Variants in OR2T8 observed in about 807,000 individuals in gnomAD.
OR2T8 encodes olfactory receptor family 2 subfamily T member 8.
For missense variants in OR2T8, 161 were observed against 389.4 expected (o/e 0.41, Z 4.94); for synonymous variants, 56 against 154.3 (o/e 0.36, Z 4.72).
chr1:247,922,130 A>C lies in OR2T8; in HGVS notation c.*174A>C, dbSNP rs567632572. On this transcript the variant is annotated 3_prime_UTR_variant, in exon 2 of 2. Coordinates refer to ENST00000641945, the MANE Select transcript of OR2T8 (RefSeq NM_001005522.2). Reference sequence around the variant, plus strand: ...ATTCCTCGGGTTCATTTACTCAGCTATCATTACCCAATCAAATCATGGATT... The same window carrying C: ...ATTCCTCGGGTTCATTTACTCAGCTCTCATTACCCAATCAAATCATGGATT... Among the ~76,000 whole-genome samples the C allele has an allele frequency of 6.6e-6, 1 of 152,174 alleles. No individual in the cohort carries two copies. The highest frequency in any genetic ancestry group is 6.5e-5 in the Admixed American group (1 of 15,286).
rs373532215 is a variant in OR2T8 at position 247,921,712 on chromosome 1, G to T, written c.695G>T (p.Arg232Leu). 5.1e-6 allele frequency: 8 copies of T among 1,573,266 alleles called. No homozygotes were observed. In the African/African-American group the frequency reaches 5.5e-5, roughly 11 times the overall value. ...AVLHMRSTEA[R>L]KKAFATCSSH... ...CTGCACATGCGCTCTACAGAAGCCC[G>T]CAAGAAGGCCTTTGCCACCTGCTCT... The change falls in exon 2 of 2, where the codon CGC becomes CTC. Residue 232 changes from arginine (R) to leucine (L), a missense_variant. Arg to Leu is a moderately radical substitution (Grantham distance 102). Coordinates refer to ENST00000641945, the MANE Select transcript of OR2T8 (RefSeq NM_001005522.2).
At chr1:247,920,934 C>T (rs904540770) in intron 1 of OR2T8, 64 bp from the exon 2 acceptor site, 48 of 1,194,590 alleles carry the variant, frequency 4.0e-5, no homozygotes, top group Non-Finnish European at 5.3e-5. Context: ...TATTTTTTTA[C>T]TACGTAACTC....
Position 247,920,996 on chromosome 1 carries a change from A to G in OR2T8, c.-20-2A>G, listed in dbSNP as rs1660000150. ...CTCTGTCTTCTTTTTCTCCATTTGC[A>G]GTGTCACTCTTATTTGAAATCATGG... On this transcript the variant is annotated splice_acceptor_variant, in intron 1 of 1. Transcript: ENST00000641945. LOFTEE classifies it low-confidence loss of function (5UTR_SPLICE). 7 of 1,557,312 alleles carry G rather than the reference A, an allele frequency of 4.5e-6. No individual in the cohort carries two copies. Among genetic ancestry groups the G allele is most frequent in the Admixed American group, 3.6e-5 (2 of 55,692 alleles).
chr1:247,920,915 G>A, intron 1 of OR2T8, 83 bp from the exon 2 acceptor site: 1 of 1,005,554 alleles, frequency 9.9e-7, no homozygotes, highest in Non-Finnish European at 1.5e-6. Flanking sequence ...TTTCACACAA[G>A]TACTTTTCTA....
At position 247,922,629 on chromosome 1, in the gene OR2T8, G is replaced by A. The variant is rs956955770; in HGVS notation, c.*673G>A. 6.6e-5 allele frequency among the ~76,000 whole-genome samples: 10 copies of A among 152,096 alleles called. No individual in the cohort carries two copies. The highest frequency in any genetic ancestry group is 3.3e-4 in the Admixed American group (5 of 15,268). On this transcript the variant is annotated 3_prime_UTR_variant, in exon 2 of 2. Coordinates refer to ENST00000641945, the MANE Select transcript of OR2T8 (RefSeq NM_001005522.2). ...CATTGCTTTTTTTTACTGCTAAGTA[G>A]TATTTTGTTTTCTGAAAATTTCATC... is the stretch of plus-strand genomic sequence containing the variant.
rs762729503 is a variant in OR2T8 at position 247,921,963 on chromosome 1, A to G, written c.*7A>G. On this transcript the variant is annotated 3_prime_UTR_variant, in exon 2 of 2. Coordinates refer to ENST00000641945, the MANE Select transcript of OR2T8 (RefSeq NM_001005522.2). ...GGCCTTAAGTCGTGAATAAGACTAT[A>G]TATTTGCCCCAACATTCAAAACTGT... 1.2e-6 allele frequency: 2 copies of G among 1,611,416 alleles called. No homozygotes were observed. The highest frequency in any genetic ancestry group is 2.2e-5 in the East Asian group (1 of 44,832).
chr1:247,921,677 C>T lies in OR2T8; in HGVS notation c.660C>T (p.Leu220=). 6.8e-7 allele frequency: 1 copy of T among 1,465,180 alleles called. No individual in the cohort carries two copies. Among genetic ancestry groups the T allele is most frequent in the Non-Finnish European group, 9.4e-7 (1 of 1,059,136 alleles). 90.8% of individuals were successfully genotyped at this position (1,465,180 alleles called of 1,614,324 possible). A position where few individuals can be genotyped will look rare whatever the true frequency, so the allele number is the denominator to read the frequency against. Residue 220 remains leucine, a synonymous_variant, in exon 2 of 2, where the codon CTC becomes CTT. Transcript: ENST00000641945. Reference sequence around the variant, plus strand: ...TCCTGTCCTCCTATGGTCTCATCCTCGCTGCTGTTCTGCACATGCGCTCTA... The same window carrying T: ...TCCTGTCCTCCTATGGTCTCATCCTTGCTGCTGTTCTGCACATGCGCTCTA... ...SLILSSYGLI[L]AAVLHMRSTE...
chr1:247,920,861 AT>A, intron 1 of OR2T8, 136 bp from the exon 2 acceptor site: 1 of 634,460 alleles, frequency 1.6e-6, no homozygotes, highest in Non-Finnish European at 2.7e-6. Flanking sequence ...AAATTAGAAC[AT>A]TTTGCAAGTG....
At position 247,921,895 on chromosome 1, in the gene OR2T8, G is replaced by A. The variant is rs761167904; in HGVS notation, c.878G>A (p.Ser293Asn). The change falls in exon 2 of 2, where the codon AGT becomes AAT. Residue 293 changes from serine (S) to asparagine (N), a missense_variant. Transcript: ENST00000641945. ...CCCCTCATCTACAGTGTGAAGAACA[G>A]TGAGGTGAAGGGAGCCCTGACAAGG... ...LNPLIYSVKN[S>N]EVKGALTRCM... 8.7e-6 allele frequency: 14 copies of A among 1,614,136 alleles called. No homozygotes were observed. In the South Asian group the frequency reaches 1.5e-4, roughly 18 times the overall value.
chr1:247,920,896 T>A, intron 1 of OR2T8, 102 bp from the exon 2 acceptor site: 1 of 813,266 alleles, frequency 1.2e-6, no homozygotes, highest in Non-Finnish European at 1.9e-6. Context: ...TTGACATAGG[T>A]TTCATCGCTT....
Position 247,922,375 on chromosome 1 carries a change from T to C in OR2T8, c.*419T>C, listed in dbSNP as rs1660035549. 1.3e-5 allele frequency among the ~76,000 whole-genome samples: 2 copies of C among 152,200 alleles called. No homozygotes were observed. Among genetic ancestry groups the C allele is most frequent in the Admixed American group, 1.3e-4 (2 of 15,282 alleles). On this transcript the variant is annotated 3_prime_UTR_variant, in exon 2 of 2. Transcript: ENST00000641945. ...AATATCTACCCTGGTAATTCACCCA[T>C]TAGGAAGAGACACCATTTTCACCAC...
rs759753195 is a variant in OR2T8 at position 247,921,974 on chromosome 1, A to C, written c.*18A>C. ...GTGAATAAGACTATATATTTGCCCC[A>C]ACATTCAAAACTGTGCAAAGTGTTT... On this transcript the variant is annotated 3_prime_UTR_variant, in exon 2 of 2. Transcript: ENST00000641945. 8.1e-6 allele frequency: 13 copies of C among 1,607,182 alleles called. 1 individual carries two copies. Among genetic ancestry groups the C allele is most frequent in the South Asian group, 6.6e-5 (6 of 90,412 alleles).
chr1:247,921,957 G>T lies in OR2T8; in HGVS notation c.*1G>T. On this transcript the variant is annotated 3_prime_UTR_variant, in exon 2 of 2. Transcript: ENST00000641945. The stretch of plus-strand genomic sequence containing the variant: ...GTGTGTGGCCTTAAGTCGTGAATAA[G>T]ACTATATATTTGCCCCAACATTCAA... The T allele has an allele frequency of 6.2e-7, 1 of 1,612,638 alleles. No homozygotes were observed. Among genetic ancestry groups the T allele is most frequent in the Non-Finnish European group, 8.5e-7 (1 of 1,179,138 alleles).
At chr1:247,920,947 A>G (rs999034822) in intron 1 of OR2T8, 51 bp from the exon 2 acceptor site, 165 of 1,314,746 alleles carry the variant, frequency 1.3e-4, no homozygotes, top group Non-Finnish European at 1.7e-4. Context: ...CGTAACTCAA[A>G]TGGAGTACCA....
rs1572607034 is a variant in OR2T8 at position 247,921,823 on chromosome 1, A to G, written c.806A>G (p.Asp269Gly). ...RPKSHRSTNH[D>G]KVVSAFYTMF... Reference sequence around the variant, plus strand: ...AAATCCCACAGGTCCACTAACCACGACAAGGTTGTGTCAGCCTTCTATACT... The same window carrying G: ...AAATCCCACAGGTCCACTAACCACGGCAAGGTTGTGTCAGCCTTCTATACT... Residue 269 changes from aspartate (D) to glycine (G), a missense_variant, in exon 2 of 2, where the codon GAC (aspartate) becomes GGC (glycine). Transcript: ENST00000641945. 6.2e-7 allele frequency: 1 copy of G among 1,612,742 alleles called. No individual in the cohort carries two copies. Among genetic ancestry groups the G allele is most frequent in the Non-Finnish European group, 8.5e-7 (1 of 1,179,674 alleles).
chr1:247,922,363 G>A lies in OR2T8; in HGVS notation c.*407G>A, dbSNP rs926505470. 2.6e-5 allele frequency among the ~76,000 whole-genome samples: 4 copies of A among 152,080 alleles called. No individual in the cohort carries two copies. The highest frequency in any genetic ancestry group is 9.7e-5 in the African/African-American group (4 of 41,404). On this transcript the variant is annotated 3_prime_UTR_variant, in exon 2 of 2. Coordinates refer to ENST00000641945, the MANE Select transcript of OR2T8 (RefSeq NM_001005522.2). ...CTAATTTCCACAAATATCTACCCTG[G>A]TAATTCACCCATTAGGAAGAGACAC...
In OR2T8 at chr1:247,921,905, G is replaced by C. The variant is rs151007478; in HGVS notation, c.888G>C (p.Lys296Asn). ...ACAGTGTGAAGAACAGTGAGGTGAA[G>C]GGAGCCCTGACAAGGTGTATGGGTC... The part of the protein sequence containing the change: ...LIYSVKNSEV[K>N]GALTRCMGRC... The change falls in exon 2 of 2, where the codon AAG becomes AAC. Residue 296 changes from lysine to asparagine, a missense_variant. Lys to Asn is a moderately conservative substitution (Grantham distance 94). Transcript: ENST00000641945. 55 of 1,614,134 alleles carry C rather than the reference G, an allele frequency of 3.4e-5. No individual in the cohort carries two copies. In the African/African-American group the frequency reaches 6.0e-4, roughly 18 times the overall value.
rs1428654506 is a variant in OR2T8, at chr1:247,922,719, T to C, written c.*763T>C. Among the ~76,000 whole-genome samples, 1 of 152,230 alleles carries C rather than the reference T, an allele frequency of 6.6e-6. No individual in the cohort carries two copies. Among genetic ancestry groups the C allele is most frequent in the East Asian group, 1.9e-4 (1 of 5,200 alleles). On this transcript the variant is annotated 3_prime_UTR_variant, in exon 2 of 2. Transcript: ENST00000641945. Reference sequence around the variant, plus strand: ...ATTTTCAGTTTGAAGTTCTGGTGACTGAAATGTATGTTAATCTCCTATTTG... The same window carrying C: ...ATTTTCAGTTTGAAGTTCTGGTGACCGAAATGTATGTTAATCTCCTATTTG...
Position 247,921,893 on chromosome 1 carries a change from C to A in OR2T8, c.876C>A (p.Asn292Lys). ...LLNPLIYSVK[N>K]SEVKGALTRC... ...ACCCCCTCATCTACAGTGTGAAGAACAGTGAGGTGAAGGGAGCCCTGACAA... is the reference window on the plus strand; with the variant it reads ...ACCCCCTCATCTACAGTGTGAAGAAAAGTGAGGTGAAGGGAGCCCTGACAA... The change falls in exon 2 of 2, where the codon AAC becomes AAA. Residue 292 changes from asparagine (N) to lysine (K), a missense_variant. Asn to Lys is a moderately conservative substitution (Grantham distance 94, BLOSUM62 0). Coordinates refer to ENST00000641945, the MANE Select transcript of OR2T8 (RefSeq NM_001005522.2). 6.2e-7 allele frequency: 1 copy of A among 1,614,058 alleles called. No homozygotes were observed. Among genetic ancestry groups the A allele is most frequent in the East Asian group, 2.2e-5 (1 of 44,872 alleles).
Sources: gnomAD v4.1 joint callset for allele counts (sites outside exome capture counted in the v4.1 genomes callset) on GRCh38, gnomAD v4.1.1 for gene constraint, MANE v1.5 for transcripts, NCBI Gene and HGNC (gene_info 2026-07-23, HGNC 2026-07-21) for gene names.